Variants in RSAD2 observed in about 807,000 individuals in gnomAD.
RSAD2 encodes S-adenosylmethionine-dependent nucleotide dehydratase RSAD2.
RSAD2 carries 38 observed loss-of-function variants against 37.7 expected under a neutral mutation model. The observed-to-expected ratio is 1.01, with a 90% CI of 0.78 to 1.32. The LOEUF is 1.32. RSAD2 is among the 40% of genes most tolerant of loss of function. The pLI is 0.00. For synonymous variants in RSAD2, 163 were observed against 157.4 expected, an observed-to-expected ratio of 1.04 and a Z score of -0.27; for missense variants, 428 against 437.5, an observed-to-expected ratio of 0.98 and a Z score of 0.19.
intron 1 of RSAD2, among the ~76,000 whole-genome samples, chr2:6,871,627 G>C (rs1209309549): frequency 6.6e-6 from 1 of 152,178 alleles, no homozygotes; most frequent in Non-Finnish European, 1.5e-5. Context: ...TTCTAAACAA[G>C]GGGGTTTTAC....
intron 1 of RSAD2, among the ~76,000 whole-genome samples, chr2:6,867,105 C>T (rs1663109932): frequency 6.6e-6 from 1 of 152,190 alleles, no homozygotes; most frequent in Non-Finnish European, 1.5e-5. Flanking sequence ...CCCTTTTCTT[C>T]TCTAAGACAG....
intron 1 of RSAD2, among the ~76,000 whole-genome samples, chr2:6,879,842 A>G (rs1401139282): frequency 6.6e-6 from 1 of 152,186 alleles, no homozygotes; most frequent in Non-Finnish European, 1.5e-5. Flanking sequence ...AGATATGTCG[A>G]GGGAAATTAC....
At chr2:6,888,834 G>A (rs1468496063) in intron 3 of RSAD2, among the ~76,000 whole-genome samples, 1 of 152,208 alleles carries the variant, frequency 6.6e-6, no homozygotes, top group Non-Finnish European at 1.5e-5. Context: ...ATCTTACATT[G>A]CACTCAGAAC....
chr2:6,891,766 A>G (rs747999362), intron 4 of RSAD2, among the ~76,000 whole-genome samples: 4 of 151,940 alleles, frequency 2.6e-5, no homozygotes. Context: ...ACTCTGTCTC[A>G]AACAAACAAA....
chr2:6,884,996 A>C (rs1663488329), intron 2 of RSAD2, among the ~76,000 whole-genome samples: 1 of 152,156 alleles, frequency 6.6e-6, no homozygotes, highest in Admixed American at 6.5e-5. Flanking sequence ...GGATGGGTCT[A>C]TGTGTTGAGT....
At chr2:6,891,832 A>G (rs969296699) in intron 4 of RSAD2, among the ~76,000 whole-genome samples, 2 of 152,236 alleles carry the variant, frequency 1.3e-5, no homozygotes, top group African/African-American at 4.8e-5. Flanking sequence ...TTCAGCATAC[A>G]GAGAATGAGT....
In RSAD2 at chr2:6,878,165, A is replaced by G; in HGVS notation, c.346+19A>G. ...GAAGCTGGTGAGTACATGGTCCTAG[A>G]CAGAAATCAGGATTCTCAACCACTG... On this transcript the variant is annotated intron_variant, in intron 1 of 5. Transcript: ENST00000382040. 6.3e-7 allele frequency: 1 copy of G among 1,595,608 alleles called. No homozygotes were observed. Among genetic ancestry groups the G allele is most frequent in the Admixed American group, 1.7e-5 (1 of 58,694 alleles).
chr2:6,887,741 G>A (rs575624716), intron 3 of RSAD2, among the ~76,000 whole-genome samples: 16 of 152,286 alleles, frequency 1.1e-4, no homozygotes, highest in South Asian at 6.2e-4. Context: ...TTGACTGCTC[G>A]TCAGAAGCAA....
chr2:6,882,917 T>G (rs1244725960), intron 1 of RSAD2, among the ~76,000 whole-genome samples: 2 of 152,234 alleles, frequency 1.3e-5, no homozygotes, highest in Non-Finnish European at 2.9e-5. Context: ...TGCTTTACGT[T>G]TTTTTCAGGA....
At chr2:6,887,220 CT>C (rs1312016264) in intron 3 of RSAD2, 56 bp downstream of exon 3, 1 of 1,353,258 alleles carries the variant, frequency 7.4e-7, no homozygotes, top group African/African-American at 1.5e-5. Flanking sequence ...TCAGGAATGA[CT>C]TTTTTCAATG....
Position 6,883,519 on chromosome 2 carries a change from G to T in RSAD2, c.495G>T (p.Trp165Cys). The change falls in exon 2 of 6, where the codon TGG becomes TGT. Residue 165 changes from tryptophan (W) to cysteine (C), a missense_variant. Trp to Cys is a radical substitution (Grantham distance 215). Transcript: ENST00000382040. ...VSNGSLIRER[W>C]FQNYGEYLDI... ...ATGGAAGCCTGATCCGGGAGAGGTG[G>T]TTCCAGAATTATGGTGTGCTCCATG... The T allele has an allele frequency of 6.2e-7, 1 of 1,614,142 alleles. No homozygotes were observed. The highest frequency in any genetic ancestry group is 8.5e-7 in the Non-Finnish European group (1 of 1,180,020).
intron 4 of RSAD2, among the ~76,000 whole-genome samples, chr2:6,891,756 A>T (rs1558338327): frequency 6.6e-6 from 1 of 152,130 alleles, no homozygotes; most frequent in South Asian, 2.1e-4. Flanking sequence ...ACAGAGCGAG[A>T]CTCTGTCTCA....
chr2:6,884,793 G>A (rs1572157155), intron 2 of RSAD2, among the ~76,000 whole-genome samples: 1 of 152,190 alleles, frequency 6.6e-6, no homozygotes, highest in Admixed American at 6.5e-5. Flanking sequence ...CGCCAACTAG[G>A]AGGTTTCATT....
intron 1 of RSAD2, chr2:6,866,292 TC>T: frequency 2.9e-6 from 1 of 347,092 alleles, no homozygotes; most frequent in Non-Finnish European, 4.1e-6. Flanking sequence ...TGACCACGCG[TC>T]CCCGCCCCTC....
In RSAD2 at chr2:6,877,820, C is replaced by T; in HGVS notation, c.20C>T (p.Ala7Val). 1 of 1,613,934 alleles carries T rather than the reference C, an allele frequency of 6.2e-7. No homozygotes were observed. ...GCCACAATGTGGGTGCTTACACCTG[C>T]TGCTTTTGCTGGGAAGCTCTTGAGT... MWVLTP[A>V]AFAGKLLSVF... Residue 7 changes from alanine (A) to valine (V), a missense_variant, in exon 1 of 6, where the codon GCT becomes GTT. Physicochemically the swap from Ala to Val is moderately conservative, Grantham distance 64. Transcript: ENST00000382040.
At chr2:6,879,587 A>T (rs566517915) in intron 1 of RSAD2, among the ~76,000 whole-genome samples, 1 of 152,250 alleles carries the variant, frequency 6.6e-6, no homozygotes, top group Admixed American at 6.5e-5. Flanking sequence ...CTGCAGCCAT[A>T]ATTATGCCCT....
At chr2:6,883,294 G>A (rs1663450136) in intron 1 of RSAD2, 77 bp from the exon 2 acceptor site, 2 of 1,473,732 alleles carry the variant, frequency 1.4e-6, no homozygotes, top group Non-Finnish European at 9.3e-7. Context: ...TTTTTACATT[G>A]AGAAAATACT....
chr2:6,872,640 A>G (rs1048213425), intron 1 of RSAD2, among the ~76,000 whole-genome samples: 2 of 152,212 alleles, frequency 1.3e-5, no homozygotes, highest in Non-Finnish European at 2.9e-5. Context: ...AAGAGGAAGT[A>G]TGGAACAGAG....
Position 6,889,089 on chromosome 2 carries a change from T to G in RSAD2, c.739-1087T>G, listed in dbSNP as rs370939832. On this transcript the variant is annotated intron_variant, in intron 3 of 5. Coordinates refer to ENST00000382040, the MANE Select transcript of RSAD2 (RefSeq NM_080657.5). ...GCTTGCTTTTCTCCTGCAGAAGCCC[T>G]TCCAGTCTAGCTGGCTGATTCTGGA... 2.5e-4 allele frequency among the ~76,000 whole-genome samples: 38 copies of G among 152,334 alleles called. No individual in the cohort carries two copies. In the South Asian group the frequency reaches 7.5e-3, roughly 30 times the overall value.
Sources: allele counts gnomAD v4.1 joint callset (sites outside exome capture counted in the v4.1 genomes callset), GRCh38; gene constraint gnomAD v4.1.1; transcripts MANE v1.5; gene names NCBI Gene and HGNC (gene_info 2026-07-23, HGNC 2026-07-21).